The following CACNA2D2 variants were observed in gnomAD, a reference collection of about 807,000 sequenced individuals.
CACNA2D2 encodes the protein voltage-dependent calcium channel subunit alpha-2/delta-2.
A neutral mutation model predicts 166.4 loss-of-function variants in CACNA2D2; 48 were observed. The ratio of observed to expected loss-of-function variants is 0.29; its 90% CI spans 0.23 to 0.37. CACNA2D2 has a LOEUF of 0.37. Among genes scored for constraint, CACNA2D2 ranks in the 10% least tolerant of loss-of-function variants. CACNA2D2 has a pLI of 1.00. For synonymous variants in CACNA2D2, 561 were observed against 573.7 expected (o/e 0.98, Z 0.32); for missense variants, 1,122 against 1,433.0 (o/e 0.78, Z 3.50).
At chr3:50,390,838 C>T (rs1002498978) in intron 4 of CACNA2D2, among the ~76,000 whole-genome samples, 1 of 152,186 alleles carries the variant, frequency 6.6e-6, no homozygotes, top group Non-Finnish European at 1.5e-5. Context: ...GGGGGAAGGA[C>T]AGTTGCCATC....
chr3:50,452,649 G>A (rs147295471), intron 2 of CACNA2D2, among the ~76,000 whole-genome samples: 2 of 152,318 alleles, frequency 1.3e-5, no homozygotes, highest in South Asian at 2.1e-4. Context: ...AGGCAAGACT[G>A]AGTAAGATTC....
intron 3 of CACNA2D2, among the ~76,000 whole-genome samples, chr3:50,422,738 G>A (rs977510478): frequency 1.3e-5 from 2 of 152,234 alleles, no homozygotes; most frequent in Non-Finnish European, 2.9e-5. Flanking sequence ...CCACAAGGCT[G>A]ATGGGTCAGT....
chr3:50,422,285 C>A (rs1334937529), intron 3 of CACNA2D2, among the ~76,000 whole-genome samples: 1 of 152,174 alleles, frequency 6.6e-6, no homozygotes, highest in Non-Finnish European at 1.5e-5. Context: ...AACCTGGCTC[C>A]CCACACAGTG....
chr3:50,391,712 T>C (rs1020858738), intron 4 of CACNA2D2, among the ~76,000 whole-genome samples: 3 of 152,350 alleles, frequency 2.0e-5, no homozygotes, highest in African/African-American at 7.2e-5. Context: ...GGTTATACCA[T>C]TGATACCATT....
chr3:50,424,824 G>C (rs1412750273), intron 3 of CACNA2D2, among the ~76,000 whole-genome samples: 1 of 152,154 alleles, frequency 6.6e-6, no homozygotes, highest in Non-Finnish European at 1.5e-5. Flanking sequence ...GCCCCTGCCC[G>C]GGTCACCATG....
intron 3 of CACNA2D2, among the ~76,000 whole-genome samples, chr3:50,424,326 C>A (rs968413515): frequency 1.3e-5 from 2 of 152,152 alleles, no homozygotes; most frequent in Admixed American, 1.3e-4. Context: ...GGGGTCTCGG[C>A]TAGACCCCAG....
chr3:50,482,281 G>A (rs1004956871), intron 1 of CACNA2D2, among the ~76,000 whole-genome samples: 1 of 152,188 alleles, frequency 6.6e-6, no homozygotes, highest in African/African-American at 2.4e-5. Context: ...TGCACTCCAG[G>A]ACGGTGGCAT....
chr3:50,405,754 T>C (rs546774787), intron 3 of CACNA2D2, among the ~76,000 whole-genome samples: 12 of 152,296 alleles, frequency 7.9e-5, no homozygotes, highest in Non-Finnish European at 1.3e-4. Flanking sequence ...AAGGGGGAAC[T>C]GAGGCCTGGA....
chr3:50,401,368 C>T (rs532027945), intron 3 of CACNA2D2, among the ~76,000 whole-genome samples: 1 of 152,322 alleles, frequency 6.6e-6, no homozygotes, highest in Non-Finnish European at 1.5e-5. Flanking sequence ...CAAGTCCAGG[C>T]TTGACACCTC....
intron 3 of CACNA2D2, among the ~76,000 whole-genome samples, chr3:50,407,763 C>G (rs1396950911): frequency 6.6e-6 from 1 of 152,178 alleles, no homozygotes; most frequent in East Asian, 1.9e-4. Flanking sequence ...CACATAAACC[C>G]TATGGGAGAG....
chr3:50,484,367 C>T (rs970215902), intron 1 of CACNA2D2, among the ~76,000 whole-genome samples: 1 of 152,162 alleles, frequency 6.6e-6, no homozygotes, highest in African/African-American at 2.4e-5. Context: ...AGTCTGTTCC[C>T]CTCTACACAC....
rs1321050028 is a variant in CACNA2D2, at chr3:50,426,706, C to A, written c.405+7607G>T. On this transcript the variant is annotated intron_variant, in intron 3 of 37. Transcript: ENST00000424201. Reference sequence around the variant, plus strand: ...CTTCTGACCCCTCCTGAGGTCCCTGCATCTTGGAGGAGGTCCCAGGAGAAG... The same window carrying A: ...CTTCTGACCCCTCCTGAGGTCCCTGAATCTTGGAGGAGGTCCCAGGAGAAG... Among the ~76,000 whole-genome samples, 13 of 152,234 alleles carry A rather than the reference C, an allele frequency of 8.5e-5. No individual in the cohort carries two copies. The East Asian group carries it at 1.5e-3, about 18-fold the overall frequency.
At chr3:50,430,219 T>C (rs1708005977) in intron 3 of CACNA2D2, among the ~76,000 whole-genome samples, 2 of 152,208 alleles carry the variant, frequency 1.3e-5, no homozygotes, top group Admixed American at 6.5e-5. Flanking sequence ...GGGCTTCCCT[T>C]TCTCTAGGAA....
chr3:50,484,041 A>C (rs1698171335), intron 1 of CACNA2D2, among the ~76,000 whole-genome samples: 1 of 152,032 alleles, frequency 6.6e-6, no homozygotes, highest in South Asian at 2.1e-4. Flanking sequence ...GGGCCTCTCA[A>C]ACTGAAAGTG....
chr3:50,377,678 C>T lies in CACNA2D2; in HGVS notation c.1551+54G>A. 1.9e-6 allele frequency: 3 copies of T among 1,572,166 alleles called. No individual in the cohort carries two copies. The South Asian group carries it at 3.4e-5, about 18-fold the overall frequency. ...CTTCCACCCTCAGACCTGCTGTGGGCATGCCCATTCCTCCCCAGGCACACC... is the reference window on the plus strand; with the variant it reads ...CTTCCACCCTCAGACCTGCTGTGGGTATGCCCATTCCTCCCCAGGCACACC... On this transcript the variant is annotated intron_variant, in intron 16 of 37. Coordinates refer to ENST00000424201, the MANE Select transcript of CACNA2D2 (RefSeq NM_006030.4).
chr3:50,370,383 G>A lies in CACNA2D2; in HGVS notation c.1985-3C>T, dbSNP rs778260838. 7.6e-7 allele frequency: 1 copy of A among 1,317,792 alleles called. No homozygotes were observed. Among genetic ancestry groups the A allele is most frequent in the Non-Finnish European group, 1.0e-6 (1 of 990,420 alleles). 81.6% of individuals were successfully genotyped at this position (1,317,792 alleles called of 1,614,324 possible). Reference sequence around the variant, plus strand: ...GCTGGGGAGCAGGAACTCAAAATCTGCAACAGAAACGGGGGGTTATCCGGC... The same window carrying A: ...GCTGGGGAGCAGGAACTCAAAATCTACAACAGAAACGGGGGGTTATCCGGC... On this transcript the variant is annotated splice_polypyrimidine_tract_variant and splice_region_variant and intron_variant, in intron 22 of 37. Transcript: ENST00000424201.
chr3:50,447,087 C>T (rs1281762031), intron 2 of CACNA2D2, among the ~76,000 whole-genome samples: 2 of 152,256 alleles, frequency 1.3e-5, no homozygotes, highest in Admixed American at 6.5e-5. Context: ...TGTACCTTCC[C>T]GGCAGAGGAG....
intron 1 of CACNA2D2, among the ~76,000 whole-genome samples, chr3:50,481,814 G>A (rs960690234): frequency 7.9e-5 from 12 of 152,038 alleles, no homozygotes; most frequent in African/African-American, 2.2e-4. Flanking sequence ...TGGGCAACAC[G>A]GTGAAACCCT....
intron 2 of CACNA2D2, among the ~76,000 whole-genome samples, chr3:50,468,447 A>T (rs1359357605): frequency 5.4e-5 from 5 of 92,824 alleles, no homozygotes; most frequent in African/African-American, 2.0e-4. Context: ...GTGTGGCTTT[A>T]GGAAACTTTC....
Sources: allele counts gnomAD v4.1 joint callset (sites outside exome capture counted in the v4.1 genomes callset), GRCh38; gene constraint gnomAD v4.1.1; transcripts MANE v1.5; gene names NCBI Gene and HGNC (gene_info 2026-07-23, HGNC 2026-07-21).